The following SATB2 variants were observed in gnomAD, a reference collection of about 807,000 sequenced individuals.
The protein encoded by SATB2 is DNA-binding protein SATB2.
A neutral mutation model predicts 73.4 loss-of-function variants in SATB2; 1 was observed. The observed-to-expected ratio is 0.01, with a 90% confidence interval of 0.00 to 0.06. The LOEUF (loss-of-function observed/expected upper bound fraction) is 0.06, where lower values mean the gene tolerates loss of function less well. Ranked by LOEUF, SATB2 falls within the 10% of genes least tolerant of loss-of-function variation. The pLI, the probability that SATB2 is intolerant of heterozygous loss-of-function variation, is 1.00. For missense variants in SATB2, 459 were observed against 945.8 expected (o/e 0.49, Z 6.75); for synonymous variants, 397 against 367.0 (o/e 1.08, Z -0.93).
chr2:199,280,226 G>A (rs1277616763), intron 10 of SATB2, among the ~76,000 whole-genome samples: 9 of 152,138 alleles, frequency 5.9e-5, no homozygotes, highest in Non-Finnish European at 7.4e-5. Context: ...TCACTTCCCC[G>A]ATCAATACCC....
chr2:199,405,609 T>G (rs1210346694), intron 3 of SATB2, among the ~76,000 whole-genome samples: 5 of 152,268 alleles, frequency 3.3e-5, no homozygotes, highest in South Asian at 4.1e-4. Flanking sequence ...TGGGGAGTAC[T>G]CCACCACTAT....
At chr2:199,395,088 CTT>C (rs548201582) in intron 3 of SATB2, among the ~76,000 whole-genome samples, 1 of 146,182 alleles carries the variant, frequency 6.8e-6, no homozygotes. Flanking sequence ...GTCTAATTTT[CTT>C]TTTTTTTTTG....
At chr2:199,461,750 T>G (rs1451999365), upstream of SATB2, among the ~76,000 whole-genome samples, 1 of 152,242 alleles carries the variant, frequency 6.6e-6, no homozygotes, top group Middle Eastern at 3.2e-3. Context: ...ACGGATTTGT[T>G]ATTTTAAAAA....
rs2105959181 is a variant in SATB2, at chr2:199,457,091, G to A, written c.-60+248C>T. Among the ~76,000 whole-genome samples, 1 of 152,206 alleles carries A rather than the reference G, an allele frequency of 6.6e-6. No homozygotes were observed. Among genetic ancestry groups the A allele is most frequent in the East Asian group, 1.9e-4 (1 of 5,172 alleles). ...CTGCGTGCGCGCTGGGAATCCTCGT[G>A]GGCGCTCTGGCCGCGCGAGCAGTGT... On this transcript the variant is annotated intron_variant, in intron 1 of 10. Coordinates refer to ENST00000417098, the MANE Select transcript of SATB2 (RefSeq NM_001172509.2). The surrounding 1 kb of genome is among the most constrained non-coding windows in gnomAD (Gnocchi z 4.8).
Position 199,271,454 on chromosome 2 carries a change from T to C in SATB2, c.*757A>G, listed in dbSNP as rs1211631515. On this transcript the variant is annotated 3_prime_UTR_variant, in exon 11 of 11. Transcript: ENST00000417098. ...TGACTTGTATCATTTTAATGTGCCC[T>C]GATTGTTTTCACTTCACTTTTTTTT... 1 of 152,514 alleles carries C rather than the reference T, an allele frequency of 6.6e-6. No individual in the cohort carries two copies. Among genetic ancestry groups the C allele is most frequent in the Non-Finnish European group, 1.5e-5 (1 of 68,008 alleles). The allele number at this position is 152,514 out of a possible 1,614,324, so 9.4% of individuals were successfully genotyped here. A position where few individuals can be genotyped will look rare whatever the true frequency, so the allele number is the denominator to read the frequency against.
Position 199,462,942 on chromosome 2 carries a change from G to A in SATB2, c.-141+1894C>T, listed in dbSNP as rs531710244. On this transcript the variant is annotated intron_variant, in intron 1 of 11. Coordinates refer to the SATB2 transcript ENST00000260926. This position sits in a 1 kb window ranked among gnomAD's most constrained non-coding sequence, Gnocchi z 5.9. ...GGTCGGCCCAGGAGCTGCCTCAGGC[G>A]AGGACGGGGAGCTTTCTGCACTGGG... Among the ~76,000 whole-genome samples, 49 of 152,360 alleles carry A rather than the reference G, an allele frequency of 3.2e-4. No homozygotes were observed. Among genetic ancestry groups the A allele is most frequent in the Middle Eastern group, 3.4e-3 (1 of 294 alleles).
chr2:199,398,275 T>C (rs1690363484), intron 3 of SATB2, among the ~76,000 whole-genome samples: 1 of 152,178 alleles, frequency 6.6e-6, no homozygotes, highest in African/African-American at 2.4e-5. Flanking sequence ...GGATGAGCAC[T>C]GGTAACCTTG....
At chr2:199,467,335 G>A (rs780354718), upstream of SATB2, 2 of 152,216 alleles carry the variant, frequency 1.3e-5, no homozygotes, top group East Asian at 1.9e-4. Context: ...CAGTTTCCGC[G>A]TGGCGAAAAA....
At chr2:199,466,715 G>A (rs1318353786), upstream of SATB2, among the ~76,000 whole-genome samples, 2 of 152,198 alleles carry the variant, frequency 1.3e-5, no homozygotes, top group African/African-American at 4.8e-5. Context: ...AACTTAGGGT[G>A]TCTCACATTA....
chr2:199,377,560 A>T (rs763395871), intron 5 of SATB2, among the ~76,000 whole-genome samples: 1 of 152,186 alleles, frequency 6.6e-6, no homozygotes, highest in Non-Finnish European at 1.5e-5. Context: ...CAAAATAATT[A>T]ATTTCATGTG....
At chr2:199,279,671 G>C (rs2007258) in intron 10 of SATB2, among the ~76,000 whole-genome samples, 117,058 of 152,114 alleles carry the variant, frequency 0.77, 47,669 homozygotes, top group Non-Finnish European at 0.89. Flanking sequence ...GGTCCTGTAG[G>C]GTAAGGTATA....
rs1362356631 is a variant in SATB2, at chr2:199,362,585, C to T, written c.700+6020G>A. Among the ~76,000 whole-genome samples, 14 of 152,172 alleles carry T rather than the reference C, an allele frequency of 9.2e-5. No homozygotes were observed. The East Asian group carries it at 2.7e-3, about 29-fold the overall frequency. On this transcript the variant is annotated intron_variant, in intron 6 of 10. Coordinates refer to ENST00000417098, the MANE Select transcript of SATB2 (RefSeq NM_001172509.2). Reference sequence around the variant, plus strand: ...AATTATGGCCTGTAGCAGAAGTGCTCACTAAACATTTAGTTAAAATTATTT... The same window carrying T: ...AATTATGGCCTGTAGCAGAAGTGCTTACTAAACATTTAGTTAAAATTATTT...
At chr2:199,393,503 G>T (rs1448660022) in intron 3 of SATB2, among the ~76,000 whole-genome samples, 7 of 152,086 alleles carry the variant, frequency 4.6e-5, no homozygotes. Flanking sequence ...CTCAATAGCT[G>T]AAACCCTCAA....
Position 199,368,592 on chromosome 2 carries a change from A to C in SATB2, c.700+13T>G. 1 of 1,516,896 alleles carries C rather than the reference A, an allele frequency of 6.6e-7. No homozygotes were observed. The highest frequency in any genetic ancestry group is 9.2e-7 in the Non-Finnish European group (1 of 1,092,082). The allele number at this position is 1,516,896 out of a possible 1,614,324, so 94.0% of individuals were successfully genotyped here. A position where few individuals can be genotyped will look rare whatever the true frequency, so the allele number is the denominator to read the frequency against. Reference sequence around the variant, plus strand: ...ACTGAAAACAGGCTTTACAAACAAAAAAGTCAGTTTACCTTTAATCTTCTT... The same window carrying C: ...ACTGAAAACAGGCTTTACAAACAAACAAGTCAGTTTACCTTTAATCTTCTT... On this transcript the variant is annotated intron_variant, in intron 6 of 10. Transcript: ENST00000417098.
At chr2:199,290,395 G>A (rs79662700) in intron 10 of SATB2, among the ~76,000 whole-genome samples, 1,703 of 152,294 alleles carry the variant, frequency 0.011, 39 homozygotes, top group African/African-American at 0.038. Context: ...TTAGCACAAT[G>A]TCAAGGCACT....
At chr2:199,439,251 G>C (rs1396990433) in intron 2 of SATB2, among the ~76,000 whole-genome samples, 1 of 152,226 alleles carries the variant, frequency 6.6e-6, no homozygotes, top group African/African-American at 2.4e-5. Context: ...TAGCTCCTTT[G>C]TCTCCTTGGT....
intron 3 of SATB2, chr2:199,396,241 T>C (rs1339553230): frequency 6.6e-6 from 1 of 152,196 alleles, no homozygotes; most frequent in Non-Finnish European, 1.5e-5. Flanking sequence ...ACCAAAATAT[T>C]TTCTTAAAAA....
intron 10 of SATB2, among the ~76,000 whole-genome samples, chr2:199,298,305 T>C (rs561585521): frequency 1.3e-5 from 2 of 152,280 alleles, no homozygotes; most frequent in South Asian, 4.1e-4. Context: ...CCAGTGATGG[T>C]CCTAGAATTC....
rs1574566787 is a variant in SATB2 at position 199,380,370 on chromosome 2, G to A, written c.591C>T (p.Leu197=). ...NQSTLAKECP[L]SQSMISSIVN... ...CCCACCTGAAGATACTGACCTGGGA[G>A]AGAGGGCATTCTTTGGCTAATGTGC... The change falls in exon 5 of 11, where the codon CTC becomes CTT. Residue 197 remains leucine, a synonymous_variant. Transcript: ENST00000417098. 3.7e-5 allele frequency: 60 copies of A among 1,613,944 alleles called. No homozygotes were observed. The highest frequency in any genetic ancestry group is 5.1e-5 in the Non-Finnish European group (60 of 1,179,832).
Sources: gnomAD v4.1 joint callset for allele counts (sites outside exome capture counted in the v4.1 genomes callset) on GRCh38, gnomAD v4.1.1 for gene constraint, Gnocchi (gnomAD v3.1) non-coding constraint, MANE v1.5 for transcripts, NCBI Gene and HGNC (gene_info 2026-07-23, HGNC 2026-07-21) for gene names.